HACE1: variants seen among roughly 807,000 people sequenced by gnomAD.
HACE1 encodes E3 ubiquitin-protein ligase HACE1.
HACE1 carries 73 observed loss-of-function variants against 118.4 expected under a neutral mutation model. The ratio of observed to expected loss-of-function variants is 0.62; its 90% confidence interval spans 0.51 to 0.75. The LOEUF (loss-of-function observed/expected upper bound fraction) is 0.75. Among genes scored for constraint, HACE1 ranks in the 30% least tolerant of loss-of-function variants. The pLI is 0.00. For missense variants in HACE1, 749 were observed against 1,102.2 expected (o/e 0.68, Z 4.54); for synonymous variants, 368 against 374.8 (o/e 0.98, Z 0.21).
intron 7 of HACE1, among the ~76,000 whole-genome samples, chr6:104,807,093 G>A (rs891815045): frequency 1.4e-5 from 2 of 148,100 alleles, no homozygotes; most frequent in East Asian, 2.0e-4. Context: ...GTGCAATCTC[G>A]GCTCACTGCA....
In HACE1 at chr6:104,770,156, T is replaced by A. The variant is rs140324770; in HGVS notation, c.2211+1037A>T. On this transcript the variant is annotated intron_variant, in intron 19 of 23. Transcript: ENST00000262903. Reference sequence around the variant, plus strand: ...ATGGCTCAGTGAACATTGTTTCTTATAGTTAAATTGATTCTGAAGATGTCT... The same window carrying A: ...ATGGCTCAGTGAACATTGTTTCTTAAAGTTAAATTGATTCTGAAGATGTCT... Among the ~76,000 whole-genome samples the A allele has an allele frequency of 6.4e-3, 968 of 152,278 alleles. 7 individuals carry two copies. The highest frequency in any genetic ancestry group is 0.022 in the African/African-American group (930 of 41,580).
At chr6:104,840,631 T>C (rs1241543640) in intron 5 of HACE1, among the ~76,000 whole-genome samples, 1 of 148,644 alleles carries the variant, frequency 6.7e-6, no homozygotes, top group Non-Finnish European at 1.5e-5. Flanking sequence ...GAGTTCGAGA[T>C]CAGCCTAGCT....
At chr6:104,730,219 C>T in intron 23 of HACE1, 84 bp downstream of exon 23, 1 of 771,806 alleles carries the variant, frequency 1.3e-6, no homozygotes, top group Non-Finnish European at 2.3e-6. Flanking sequence ...GTTTTCCTCC[C>T]AATGCAGCAA....
chr6:104,823,555 A>T (rs1300977338), intron 6 of HACE1, among the ~76,000 whole-genome samples: 4 of 152,122 alleles, frequency 2.6e-5, no homozygotes, highest in African/African-American at 4.8e-5. Context: ...TGCAACTATT[A>T]AAAGAAACAT....
intron 17 of HACE1, among the ~76,000 whole-genome samples, chr6:104,775,172 T>A (rs1781098539): frequency 6.6e-6 from 1 of 152,020 alleles, no homozygotes; most frequent in Admixed American, 6.5e-5. Context: ...CGAAACCTCA[T>A]CTCCACAAAA....
chr6:104,812,538 A>C (rs1403070155), intron 6 of HACE1, among the ~76,000 whole-genome samples: 2 of 152,200 alleles, frequency 1.3e-5, no homozygotes, highest in Non-Finnish European at 2.9e-5. Context: ...AACAAAGTAC[A>C]ATGTCAGTAA....
At chr6:104,753,066 T>C (rs1421469918) in intron 19 of HACE1, among the ~76,000 whole-genome samples, 1 of 152,212 alleles carries the variant, frequency 6.6e-6, no homozygotes, top group Non-Finnish European at 1.5e-5. Flanking sequence ...TCTAAAATGT[T>C]TCCCTGCCTC....
At chr6:104,734,279 G>T (rs771425260) in intron 22 of HACE1, among the ~76,000 whole-genome samples, 8 of 151,044 alleles carry the variant, frequency 5.3e-5, no homozygotes, top group Non-Finnish European at 1.2e-4. Context: ...ATCACTTTTT[G>T]TATTAATTCT....
At chr6:104,832,598 T>A (rs1774121279) in intron 6 of HACE1, among the ~76,000 whole-genome samples, 2 of 152,098 alleles carry the variant, frequency 1.3e-5, no homozygotes, top group Admixed American at 1.3e-4. Flanking sequence ...GGTTTCGCCA[T>A]GTTGCCCAGG....
rs755432067 is a variant in HACE1 at position 104,785,137 on chromosome 6, C to T, written c.1257G>A (p.Leu419=). 5.1e-5 allele frequency: 83 copies of T among 1,613,922 alleles called. No individual in the cohort carries two copies. In the South Asian group the frequency reaches 8.9e-4, roughly 17 times the overall value. Residue 419 remains leucine (L), a synonymous_variant, in exon 12 of 24, where the codon CTG becomes CTA. Transcript: ENST00000262903. ...GTTTAGATTCCCTTGTGCCAGTGGA[C>T]AGATTTTCATAGCTCCCAGGTCCTG... ...EPPGPGSYEN[L]STGTRESKPD...
chr6:104,840,526 T>C (rs1389863720), intron 5 of HACE1, among the ~76,000 whole-genome samples: 6 of 151,936 alleles, frequency 3.9e-5, no homozygotes, highest in Admixed American at 3.9e-4. Context: ...CATTTTAAAA[T>C]CCATTAAAAT....
At chr6:104,801,736 G>A (rs1770379928) in intron 7 of HACE1, among the ~76,000 whole-genome samples, 1 of 152,094 alleles carries the variant, frequency 6.6e-6, no homozygotes, top group Admixed American at 6.6e-5. Context: ...ACATGGAAAG[G>A]TACCAGCCAT....
chr6:104,737,539 C>T (rs2114432399), intron 22 of HACE1, among the ~76,000 whole-genome samples: 3 of 152,202 alleles, frequency 2.0e-5, no homozygotes, highest in East Asian at 3.9e-4. Flanking sequence ...TCAGGGAGTT[C>T]CCTTTCTGAG....
chr6:104,828,158 A>T (rs560049192), intron 6 of HACE1, among the ~76,000 whole-genome samples: 1 of 152,178 alleles, frequency 6.6e-6, no homozygotes, highest in East Asian at 1.9e-4. Flanking sequence ...TTTATGGTCC[A>T]AAAAGCGTTA....
rs949435260 is a variant in HACE1 at position 104,811,345 on chromosome 6, C to T, written c.583G>A (p.Val195Ile). 1.9e-6 allele frequency: 3 copies of T among 1,547,126 alleles called. No homozygotes were observed. The highest frequency in any genetic ancestry group is 2.7e-6 in the Non-Finnish European group (3 of 1,123,304). ...DSGADINRPN[V>I]SGATPLYFAC... ...AAGTACAATGGAGTTGCTCCTGATA[C>T]ATTTGGCCTGTTAATATCAGCACCA... is the stretch of plus-strand genomic sequence containing the variant. The change falls in exon 7 of 24, where the codon GTA (valine) becomes ATA (isoleucine). Residue 195 changes from valine (V) to isoleucine (I), a missense_variant. By Grantham distance (29) the Val-to-Ile change is conservative (BLOSUM62 3). This residue lies in a region of HACE1 where 267 missense variants were observed against 312.2 expected (regional missense o/e 0.86). Transcript: ENST00000262903.
intron 1 of HACE1, among the ~76,000 whole-genome samples, chr6:104,856,805 C>T (rs1776768500): frequency 6.6e-6 from 1 of 152,110 alleles, no homozygotes; most frequent in South Asian, 2.1e-4. Flanking sequence ...CTTTTTCTCT[C>T]AAGAATATTC....
At chr6:104,840,514 A>T (rs1774992722) in intron 5 of HACE1, among the ~76,000 whole-genome samples, 1 of 152,140 alleles carries the variant, frequency 6.6e-6, no homozygotes, top group Admixed American at 6.5e-5. Context: ...ATATAGAGAC[A>T]ACATTTTAAA....
chr6:104,766,238 T>G (rs1368270777), intron 19 of HACE1, among the ~76,000 whole-genome samples: 1 of 152,134 alleles, frequency 6.6e-6, no homozygotes, highest in African/African-American at 2.4e-5. Context: ...CATGATGGAA[T>G]CTTGGTGTGT....
chr6:104,786,916 AT>A (rs2114810763), intron 11 of HACE1: 1 of 152,322 alleles, frequency 6.6e-6, no homozygotes, highest in East Asian at 1.9e-4. Flanking sequence ...ATGGAAGGAG[AT>A]TATACAACCA....
Sources: allele counts gnomAD v4.1 joint callset (sites outside exome capture counted in the v4.1 genomes callset), GRCh38; gene constraint gnomAD v4.1.1; regional missense constraint gnomAD v4.1.1; transcripts MANE v1.5; gene names NCBI Gene and HGNC (gene_info 2026-07-23, HGNC 2026-07-21).